BEND6: variants seen among roughly 807,000 people sequenced by gnomAD.
BEND6 encodes the protein BEN domain containing 6, also known as BEN domain-containing protein 6.
A neutral mutation model predicts 31.8 loss-of-function variants in BEND6; 24 were observed. That is an observed-to-expected ratio of 0.75 (90% confidence interval 0.55 to 1.06). The LOEUF is 1.06. Among genes scored for constraint, BEND6 ranks in the 50% least tolerant of loss-of-function variants. BEND6 has a pLI of 0.00. For missense variants in BEND6, 294 were observed against 327.4 expected, an observed-to-expected ratio of 0.90 and a Z score of 0.79; for synonymous variants, 109 against 114.6, an observed-to-expected ratio of 0.95 and a Z score of 0.31.
chr6:56,977,811 G>A (rs1461379545), intron 1 of BEND6, among the ~76,000 whole-genome samples: 2 of 152,132 alleles, frequency 1.3e-5, no homozygotes, highest in African/African-American at 2.4e-5. Flanking sequence ...AAAAAAATTA[G>A]CTGGGCATAG....
intron 3 of BEND6, among the ~76,000 whole-genome samples, chr6:57,013,458 G>A (rs534936059): frequency 1.3e-5 from 2 of 152,288 alleles, no homozygotes; most frequent in East Asian, 3.9e-4. Context: ...TTTTATTGGA[G>A]CTTCATAATG....
intron 3 of BEND6, chr6:57,010,236 G>A (rs566918967): frequency 1.4e-4 from 21 of 152,290 alleles, no homozygotes; most frequent in African/African-American, 4.8e-4. Flanking sequence ...AAATCCGACT[G>A]TAGGAAATTC....
intron 3 of BEND6, among the ~76,000 whole-genome samples, chr6:57,001,734 T>G (rs1171397199): frequency 6.6e-6 from 1 of 152,176 alleles, no homozygotes; most frequent in Non-Finnish European, 1.5e-5. Context: ...AAGAGATTCT[T>G]AAGGGAGTTC....
At chr6:56,972,088 T>C (rs78502539) in intron 1 of BEND6, among the ~76,000 whole-genome samples, 1 of 19,814 alleles carries the variant, frequency 5.0e-5, no homozygotes, top group Non-Finnish European at 1.2e-4. Flanking sequence ...TTTACTTTCT[T>C]TTTTTTTTTT....
At position 57,026,859 on chromosome 6, in the gene BEND6, T is replaced by G. The variant is rs1827918975; in HGVS notation, c.*787T>G. 6.6e-6 allele frequency: 1 copy of G among 152,244 alleles called. No homozygotes were observed. Among genetic ancestry groups the G allele is most frequent in the African/African-American group, 2.4e-5 (1 of 41,468 alleles). 9.4% of individuals were successfully genotyped at this position (152,244 alleles called of 1,614,324 possible). On this transcript the variant is annotated 3_prime_UTR_variant, in exon 7 of 7. Transcript: ENST00000370746. ...CTAACTTTGTATTGCCCAAAGTATA[T>G]TAAATACAGATGTGTAATATAAAGC...
At chr6:56,973,130 C>G (rs561206636) in intron 1 of BEND6, among the ~76,000 whole-genome samples, 1 of 152,240 alleles carries the variant, frequency 6.6e-6, no homozygotes, top group African/African-American at 2.4e-5. Flanking sequence ...TGAGAGAACC[C>G]TTCCTGGAGT....
chr6:56,961,180 C>T (rs1175662585), intron 1 of BEND6, among the ~76,000 whole-genome samples: 2 of 152,158 alleles, frequency 1.3e-5, no homozygotes, highest in South Asian at 2.1e-4. Context: ...CTTCTGAACT[C>T]GTATAAGTCA....
chr6:56,990,953 C>T (rs1338733299), intron 2 of BEND6, among the ~76,000 whole-genome samples: 1 of 152,106 alleles, frequency 6.6e-6, no homozygotes, highest in Non-Finnish European at 1.5e-5. Flanking sequence ...TTCATATGAA[C>T]GTACAGGTAA....
chr6:56,963,141 A>G (rs878899396), intron 1 of BEND6, among the ~76,000 whole-genome samples: 2 of 152,074 alleles, frequency 1.3e-5, no homozygotes, highest in African/African-American at 4.8e-5. Flanking sequence ...CATGTTTTCC[A>G]TTTGCACTGC....
intron 3 of BEND6, among the ~76,000 whole-genome samples, chr6:57,007,966 CAA>C (rs767383146): frequency 2.0e-5 from 3 of 152,152 alleles, no homozygotes; most frequent in Non-Finnish European, 4.4e-5. Context: ...CAGACCAACT[CAA>C]AGTGTTGCAA....
chr6:57,012,662 G>A (rs720885), intron 3 of BEND6, among the ~76,000 whole-genome samples: 36,068 of 151,716 alleles, frequency 0.24, 4,454 homozygotes, highest in African/African-American at 0.29. Context: ...TTTTAATTGG[G>A]AAAAAAAGAG....
At chr6:56,967,626 GCA>G (rs989349162) in intron 1 of BEND6, among the ~76,000 whole-genome samples, 1 of 152,158 alleles carries the variant, frequency 6.6e-6, no homozygotes, top group African/African-American at 2.4e-5. Context: ...TCCTTCTCTA[GCA>G]TCTAACCAGG....
intron 1 of BEND6, among the ~76,000 whole-genome samples, chr6:56,965,806 T>C (rs1825458502): frequency 1.3e-5 from 2 of 151,848 alleles, no homozygotes; most frequent in Admixed American, 1.3e-4. Context: ...GTTGAATCAC[T>C]CCTGATTTTT....
At chr6:57,015,736 T>C (rs1384333330) in intron 4 of BEND6, among the ~76,000 whole-genome samples, 2 of 134,596 alleles carry the variant, frequency 1.5e-5, no homozygotes, top group South Asian at 2.4e-4. Flanking sequence ...ACCCAGGAGG[T>C]GGAGCTTGCA....
intron 3 of BEND6, among the ~76,000 whole-genome samples, chr6:56,996,965 C>A (rs925206176): frequency 6.6e-6 from 1 of 152,182 alleles, no homozygotes; most frequent in African/African-American, 2.4e-5. Context: ...TCCTGTCCTC[C>A]TGTGCTTAAA....
chr6:57,018,861 T>A (rs1177214858), intron 6 of BEND6, among the ~76,000 whole-genome samples: 2 of 152,214 alleles, frequency 1.3e-5, no homozygotes, highest in Non-Finnish European at 2.9e-5. Context: ...TGTGTTTTAC[T>A]GAGGAAATTT....
rs139483842 is a variant in BEND6, at chr6:57,016,173, T to C, written c.519+820T>C. Reference sequence around the variant, plus strand: ...ATTCTTTTTCTGTTTTTGTACTTAATCAAGACACAGATGCTAAAAAGACAG... The same window carrying C: ...ATTCTTTTTCTGTTTTTGTACTTAACCAAGACACAGATGCTAAAAAGACAG... On this transcript the variant is annotated intron_variant, in intron 4 of 6. Transcript: ENST00000370746. 3.3e-5 allele frequency among the ~76,000 whole-genome samples: 5 copies of C among 152,270 alleles called. No individual in the cohort carries two copies. In the East Asian group the frequency reaches 9.7e-4, roughly 29 times the overall value.
intron 2 of BEND6, among the ~76,000 whole-genome samples, chr6:56,988,794 C>T (rs144758420): frequency 7.2e-4 from 110 of 152,094 alleles, no homozygotes; most frequent in African/African-American, 2.4e-3. Flanking sequence ...TTTGGGAGTC[C>T]GAGGTGGGCA....
intron 1 of BEND6, among the ~76,000 whole-genome samples, chr6:56,963,433 A>G (rs11963275): frequency 0.018 from 2,802 of 152,178 alleles, 71 homozygotes; most frequent in African/African-American, 0.062. Context: ...CACCCTTACC[A>G]TTTCATTGCC....
Sources: gnomAD v4.1 joint callset for allele counts (sites outside exome capture counted in the v4.1 genomes callset) on GRCh38, gnomAD v4.1.1 for gene constraint, MANE v1.5 for transcripts, NCBI Gene and HGNC (gene_info 2026-07-23, HGNC 2026-07-21) for gene names.